TBX2: variants seen among roughly 807,000 people sequenced by gnomAD.
TBX2 encodes the protein T-box transcription factor TBX2.
Under a neutral mutation model 48.4 loss-of-function variants are expected in TBX2, and 19 were observed. The ratio of observed to expected loss-of-function variants is 0.39; its 90% CI spans 0.27 to 0.58. The LOEUF (loss-of-function observed/expected upper bound fraction) is 0.58. Ranked by LOEUF, TBX2 falls within the 20% of genes least tolerant of loss-of-function variation. The probability of loss-of-function intolerance (pLI) is 0.54; values close to 1 mark genes in which losing one functional copy is unlikely to be tolerated. For missense variants in TBX2, 994 were observed against 1,006.5 expected (o/e 0.99, Z 0.17); for synonymous variants, 522 against 459.7 (o/e 1.14, Z -1.73).
chr17:61,408,214 G>C lies in TBX2; in HGVS notation c.1847G>C (p.Arg616Pro), dbSNP rs191930922. 6.2e-7 allele frequency: 1 copy of C among 1,612,758 alleles called. No individual in the cohort carries two copies. The highest frequency in any genetic ancestry group is 1.3e-5 in the African/African-American group (1 of 74,920). The change falls in exon 7 of 7, where the codon CGG becomes CCG. Residue 616 changes from arginine (R) to proline (P), a missense_variant. This residue lies in a region of TBX2 where 639 missense variants were observed against 613.2 expected (regional missense o/e 1.04). Coordinates refer to ENST00000240328, the MANE Select transcript of TBX2 (RefSeq NM_005994.4). Reference sequence around the variant, plus strand: ...CGGAGCCCCTTCCTGGGCAGTGCCCGGCCCCGACTGCGTTTCAGCCCCTAT... The same window carrying C: ...CGGAGCCCCTTCCTGGGCAGTGCCCCGCCCCGACTGCGTTTCAGCCCCTAT... The part of the protein sequence containing the change: ...LSRSPFLGSA[R>P]PRLRFSPYQI...
Position 61,400,250 on chromosome 17 carries a change from C to A in TBX2, c.74C>A (p.Pro25His). The A allele has an allele frequency of 8.3e-7, 1 of 1,208,774 alleles. No homozygotes were observed. Among genetic ancestry groups the A allele is most frequent in the Non-Finnish European group, 1.1e-6 (1 of 948,848 alleles). 74.9% of individuals were successfully genotyped at this position (1,208,774 alleles called of 1,614,324 possible). A position where few individuals can be genotyped will look rare whatever the true frequency, so the allele number is the denominator to read the frequency against. ...CACGCGCCACGGCCCGCCGACTTCC[C>A]CATGTCCGCCTTTCTGGCGGCGGCG... is the stretch of plus-strand genomic sequence containing the variant. ...PFHAPRPADFPMSAFLAAAQP... is the reference protein window; with the variant it reads ...PFHAPRPADFHMSAFLAAAQP... Residue 25 changes from proline to histidine, a missense_variant, in exon 1 of 7, where the codon CCC (proline) becomes CAC (histidine). Around this residue, in one of 5 missense-constraint regions of TBX2, gnomAD observed 165 missense variants for 136.8 expected, o/e 1.21. Coordinates refer to ENST00000240328, the MANE Select transcript of TBX2 (RefSeq NM_005994.4). This position sits in a 1 kb window ranked among gnomAD's most constrained non-coding sequence, Gnocchi z 9.2.
chr17:61,408,523 T>G lies in TBX2; in HGVS notation c.*17T>G, dbSNP rs2060297961. ...CCCAAGTGAGGGGCTGCCCAGCTGC[T>G]CCCCTGCCACGCAGGCCACCCGGGC... On this transcript the variant is annotated 3_prime_UTR_variant, in exon 7 of 7. Coordinates refer to ENST00000240328, the MANE Select transcript of TBX2 (RefSeq NM_005994.4). 4.9e-6 allele frequency: 7 copies of G among 1,431,698 alleles called. No individual in the cohort carries two copies. The South Asian group carries it at 1.1e-4, about 22-fold the overall frequency. 88.7% of individuals were successfully genotyped at this position (1,431,698 alleles called of 1,614,324 possible).
Position 61,408,332 on chromosome 17 carries a change from G to A in TBX2, c.1965G>A (p.Glu655=). The A allele has an allele frequency of 1.2e-6, 2 of 1,606,444 alleles. No homozygotes were observed. The highest frequency in any genetic ancestry group is 1.7e-6 in the Non-Finnish European group (2 of 1,177,196). Residue 655 remains glutamate (E), a synonymous_variant, in exon 7 of 7, where the codon GAG becomes GAA. Coordinates refer to ENST00000240328, the MANE Select transcript of TBX2 (RefSeq NM_005994.4). The part of the protein sequence containing the change: ...GSKAAGGNSR[E]PSPLPELALR... ...AGGCCGCTGGTGGAAACAGCCGGGA[G>A]CCTAGCCCCCTGCCCGAGCTGGCTC... is the stretch of plus-strand genomic sequence containing the variant.
chr17:61,407,958 A>C (rs945244963), intron 6 of TBX2, 96 bp from the exon 7 acceptor site: 1 of 1,439,480 alleles, frequency 6.9e-7, no homozygotes, highest in Non-Finnish European at 9.3e-7. Flanking sequence ...CATCCCTAAA[A>C]CAGAAGGGCA....
chr17:61,405,606 G>C lies in TBX2; in HGVS notation c.1456G>C (p.Gly486Arg). Residue 486 changes from glycine (G) to arginine (R), a missense_variant, in exon 6 of 7, where the codon GGC (glycine) becomes CGC (arginine). Physicochemically the swap from Gly to Arg is moderately radical, Grantham distance 125. This residue lies in a region of TBX2 where 639 missense variants were observed against 613.2 expected (regional missense o/e 1.04). Coordinates refer to ENST00000240328, the MANE Select transcript of TBX2 (RefSeq NM_005994.4). ...GQQFFGPLGA[G>R]QPLFLHPGQF... is the part of the protein sequence containing the mutation. ...GCAGTTCTTTGGGCCGCTGGGAGCCGGCCAGCCGCTCTTCCTGCACCCTGG... is the reference window on the plus strand; with the variant it reads ...GCAGTTCTTTGGGCCGCTGGGAGCCCGCCAGCCGCTCTTCCTGCACCCTGG... The C allele has an allele frequency of 6.3e-7, 1 of 1,593,172 alleles. No individual in the cohort carries two copies. Among genetic ancestry groups the C allele is most frequent in the Non-Finnish European group, 8.5e-7 (1 of 1,174,290 alleles).
Position 61,405,529 on chromosome 17 carries a change from T to C in TBX2, c.1379T>C (p.Leu460Pro), listed in dbSNP as rs763421585. The change falls in exon 6 of 7, where the codon CTG becomes CCG. Residue 460 changes from leucine (L) to proline (P), a missense_variant. Leu to Pro is a moderately conservative substitution (Grantham distance 98, BLOSUM62 -3). Around this residue, in one of 5 missense-constraint regions of TBX2, gnomAD observed 639 missense variants for 613.2 expected, o/e 1.04. Coordinates refer to ENST00000240328, the MANE Select transcript of TBX2 (RefSeq NM_005994.4). ...LVVQTDSASP[L>P]GAGHLPGLAF... ...GTGCAGACAGACAGTGCGTCCCCCC[T>C]GGGCGCCGGACACCTGCCCGGCCTG... 3 of 1,590,654 alleles carry C rather than the reference T, an allele frequency of 1.9e-6. No individual in the cohort carries two copies. The highest frequency in any genetic ancestry group is 2.6e-6 in the Non-Finnish European group (3 of 1,171,870).
chr17:61,404,327 C>G (rs2060278363), intron 3 of TBX2, 94 bp from the exon 4 acceptor site: 1 of 1,440,624 alleles, frequency 6.9e-7, no homozygotes. Context: ...CCCGGGTCTT[C>G]CCTCTGCGGC....
rs2143738234 is a variant in TBX2 at position 61,408,404 on chromosome 17, C to T, written c.2037C>T (p.Gly679=). Residue 679 remains glycine (G), a synonymous_variant, in exon 7 of 7, where the codon GGC becomes GGT. Coordinates refer to ENST00000240328, the MANE Select transcript of TBX2 (RefSeq NM_005994.4). ...APSRGALSPS[G]SAKEAANELQ... is the part of the protein sequence containing the mutation. ...CCCGCGGTGCCCTGTCGCCCAGTGG[C>T]TCGGCCAAGGAGGCGGCCAATGAAC... 1.3e-6 allele frequency: 2 copies of T among 1,551,054 alleles called. No individual in the cohort carries two copies. The highest frequency in any genetic ancestry group is 1.7e-6 in the Non-Finnish European group (2 of 1,148,048).
At position 61,400,221 on chromosome 17, in the gene TBX2, G is replaced by T; in HGVS notation, c.45G>T (p.Pro15=). 2 of 1,211,546 alleles carry T rather than the reference G, an allele frequency of 1.7e-6. No homozygotes were observed. The highest frequency in any genetic ancestry group is 2.1e-6 in the Non-Finnish European group (2 of 949,670). 75.0% of individuals were successfully genotyped at this position (1,211,546 alleles called of 1,614,324 possible). A position where few individuals can be genotyped will look rare whatever the true frequency, so the allele number is the denominator to read the frequency against. The change falls in exon 1 of 7, where the codon CCG becomes CCT. Residue 15 remains proline (P), a synonymous_variant. Transcript: ENST00000240328. The surrounding 1 kb of genome is among the most constrained non-coding windows in gnomAD (Gnocchi z 9.2). ...ALAASAMAYH[P]FHAPRPADFP... ...CGGCCAGCGCCATGGCTTACCACCCGTTCCACGCGCCACGGCCCGCCGACT... is the reference window on the plus strand; with the variant it reads ...CGGCCAGCGCCATGGCTTACCACCCTTTCCACGCGCCACGGCCCGCCGACT...
In TBX2 at chr17:61,401,824, A is replaced by C. The variant is rs1603240882; in HGVS notation, c.536A>C (p.Asp179Ala). 6.2e-7 allele frequency: 1 copy of C among 1,613,028 alleles called. No individual in the cohort carries two copies. Among genetic ancestry groups the C allele is most frequent in the Non-Finnish European group, 8.5e-7 (1 of 1,180,014 alleles). ...NSRWMVAGKADPEMPKRMYIH... is the reference protein window; with the variant it reads ...NSRWMVAGKAAPEMPKRMYIH... ...CGCTGGATGGTGGCGGGCAAGGCCGACCCTGAGATGCCCAAACGCATGTAC... is the reference window on the plus strand; with the variant it reads ...CGCTGGATGGTGGCGGGCAAGGCCGCCCCTGAGATGCCCAAACGCATGTAC... Residue 179 changes from aspartate (D) to alanine (A), a missense_variant, in exon 2 of 7, where the codon GAC becomes GCC. Coordinates refer to ENST00000240328, the MANE Select transcript of TBX2 (RefSeq NM_005994.4).
Position 61,404,635 on chromosome 17 carries a change from T to C in TBX2, c.917T>C (p.Leu306Ser). 6.3e-7 allele frequency: 1 copy of C among 1,582,194 alleles called. No individual in the cohort carries two copies. Among genetic ancestry groups the C allele is most frequent in the Non-Finnish European group, 8.6e-7 (1 of 1,163,084 alleles). Residue 306 changes from leucine to serine, a missense_variant, in exon 5 of 7, where the codon TTG (leucine) becomes TCG (serine). Leu to Ser is a moderately radical substitution (Grantham distance 145). This residue lies in a region of TBX2 where 639 missense variants were observed against 613.2 expected (regional missense o/e 1.04). Coordinates refer to ENST00000240328, the MANE Select transcript of TBX2 (RefSeq NM_005994.4). ...RKQLTLPSLR[L>S]YEEHCKPERD... ...CAGCTGACGCTGCCGTCTCTACGCT[T>C]GTACGAGGAGCACTGCAAACCCGAG...
Position 61,404,617 on chromosome 17 carries a change from C to A in TBX2, c.899C>A (p.Thr300Lys), listed in dbSNP as rs769157834. 1.3e-6 allele frequency: 2 copies of A among 1,582,038 alleles called. No individual in the cohort carries two copies. Among genetic ancestry groups the A allele is most frequent in the Non-Finnish European group, 1.7e-6 (2 of 1,161,960 alleles). ...NGRREKRKQL[T>K]LPSLRLYEEH... ...CCGCTCATCCCCAGGAAGCAGCTGA[C>A]GCTGCCGTCTCTACGCTTGTACGAG... The change falls in exon 5 of 7, where the codon ACG (threonine) becomes AAG (lysine). Residue 300 changes from threonine to lysine, a missense_variant. By Grantham distance (78) the Thr-to-Lys change is moderately conservative. Transcript: ENST00000240328.
intron 6 of TBX2, 45 bp downstream of exon 6, chr17:61,405,881 C>G: frequency 7.8e-7 from 1 of 1,275,700 alleles, no homozygotes; most frequent in Non-Finnish European, 9.8e-7. Context: ...GGAGAAGGCC[C>G]AGGGAGCTGG....
At position 61,400,545 on chromosome 17, in the gene TBX2, G is replaced by C. The variant is rs1295697643; in HGVS notation, c.369G>C (p.Thr123=). 6.4e-7 allele frequency: 1 copy of C among 1,574,468 alleles called. No homozygotes were observed. Among genetic ancestry groups the C allele is most frequent in the African/African-American group, 1.3e-5 (1 of 74,436 alleles). Reference sequence around the variant, plus strand: ...GGGACCAGTTCCACAAGCTAGGCACGGAGATGGTCATCACCAAGTCCGGGA... The same window carrying C: ...GGGACCAGTTCCACAAGCTAGGCACCGAGATGGTCATCACCAAGTCCGGGA... The part of the protein sequence containing the change: ...ELWDQFHKLG[T]EMVITKSGRR... Residue 123 remains threonine (T), a synonymous_variant, in exon 1 of 7, where the codon ACG becomes ACC. Coordinates refer to ENST00000240328, the MANE Select transcript of TBX2 (RefSeq NM_005994.4). The surrounding 1 kb of genome is among the most constrained non-coding windows in gnomAD (Gnocchi z 9.2).
rs748794461 is a variant in TBX2, at chr17:61,404,490, G to C, written c.880G>C (p.Glu294Gln). 1 of 1,611,236 alleles carries C rather than the reference G, an allele frequency of 6.2e-7. No homozygotes were observed. The highest frequency in any genetic ancestry group is 1.1e-5 in the South Asian group (1 of 90,708). ...CCGGGACACCGGGAACGGCCGGCGG[G>C]AGAAAAGGTGAGAGGCCGAGGACAG... ...GFRDTGNGRR[E>Q]KRKQLTLPSL... The change falls in exon 4 of 7, where the codon GAG (glutamate) becomes CAG (glutamine). Residue 294 changes from glutamate (E) to glutamine (Q), a missense_variant. By Grantham distance (29) the Glu-to-Gln change is conservative. Transcript: ENST00000240328.
rs948234669 is a variant in TBX2, at chr17:61,408,384, G to A, written c.2017G>A (p.Gly673Ser). The A allele has an allele frequency of 7.7e-6, 12 of 1,564,712 alleles. No homozygotes were observed. Among genetic ancestry groups the A allele is most frequent in the South Asian group, 3.5e-5 (3 of 85,410 alleles). ...ALRKVGAPSR[G>S]ALSPSGSAKE... The stretch of plus-strand genomic sequence containing the variant: ...CCGCAAAGTAGGGGCCCCATCCCGC[G>A]GTGCCCTGTCGCCCAGTGGCTCGGC... Residue 673 changes from glycine (G) to serine (S), a missense_variant, in exon 7 of 7, where the codon GGT (glycine) becomes AGT (serine). By Grantham distance (56) the Gly-to-Ser change is moderately conservative. Coordinates refer to ENST00000240328, the MANE Select transcript of TBX2 (RefSeq NM_005994.4).
Position 61,402,026 on chromosome 17 carries a change from C to T in TBX2, c.663+75C>T, listed in dbSNP as rs912302858. Reference sequence around the variant, plus strand: ...ACTGCAGCTGAGCAGGAGAGCAGGGCGGCAGGATCTCCCAGGGGGAAGCGC... The same window carrying T: ...ACTGCAGCTGAGCAGGAGAGCAGGGTGGCAGGATCTCCCAGGGGGAAGCGC... On this transcript the variant is annotated intron_variant, in intron 2 of 6. Transcript: ENST00000240328. 4 of 1,514,106 alleles carry T rather than the reference C, an allele frequency of 2.6e-6. No homozygotes were observed. In the African/African-American group the frequency reaches 4.2e-5, roughly 16 times the overall value. The allele number at this position is 1,514,106 out of a possible 1,614,324, so 93.8% of individuals were successfully genotyped here.
At position 61,400,613 on chromosome 17, in the gene TBX2, C is replaced by A. The variant is rs1372664023; in HGVS notation, c.395+42C>A. 7.3e-5 allele frequency: 42 copies of A among 578,932 alleles called. No homozygotes were observed. The highest frequency in any genetic ancestry group is 1.2e-4 in the Non-Finnish European group (40 of 332,642). The allele number at this position is 578,932 out of a possible 1,614,324, so 35.9% of individuals were successfully genotyped here. On this transcript the variant is annotated intron_variant, in intron 1 of 6. Coordinates refer to ENST00000240328, the MANE Select transcript of TBX2 (RefSeq NM_005994.4). This position sits in a 1 kb window ranked among gnomAD's most constrained non-coding sequence, Gnocchi z 9.2. ...GCTGGAAGGCGCGCGGGCGGGCGGG[C>A]GGGCTGGGGCACGGGACTGCACGGA...
In TBX2 at chr17:61,403,025, C is replaced by T. The variant is rs756422657; in HGVS notation, c.664-36C>T. On this transcript the variant is annotated intron_variant, in intron 2 of 6. Transcript: ENST00000240328. This position sits in a 1 kb window ranked among gnomAD's most constrained non-coding sequence, Gnocchi z 5.8. ...AAGAATAGAAAAGCTCGGGCCGGGG[C>T]TGGTGGCTGCCGGCTGACCCCCACC... is the stretch of plus-strand genomic sequence containing the variant. 70 of 1,585,608 alleles carry T rather than the reference C, an allele frequency of 4.4e-5. No homozygotes were observed. Among genetic ancestry groups the T allele is most frequent in the Non-Finnish European group, 5.8e-5 (68 of 1,169,168 alleles).
Sources: allele counts gnomAD v4.1 joint callset, GRCh38; gene constraint gnomAD v4.1.1; regional missense constraint gnomAD v4.1.1; non-coding constraint Gnocchi (gnomAD v3.1); transcripts MANE v1.5; gene names NCBI Gene and HGNC (gene_info 2026-07-23, HGNC 2026-07-21).